SLC10A7: variants seen among roughly 807,000 people sequenced by gnomAD.
The protein encoded by SLC10A7 is sodium/bile acid cotransporter 7.
A neutral mutation model predicts 43.2 loss-of-function variants in SLC10A7; 29 were observed. That is an observed-to-expected ratio of 0.67 (90% CI 0.50 to 0.92). The LOEUF is 0.92. Ranked by LOEUF, SLC10A7 falls within the 40% of genes least tolerant of loss-of-function variation. SLC10A7 has a pLI of 0.00. For missense variants in SLC10A7, 295 were observed against 403.2 expected, an observed-to-expected ratio of 0.73 and a Z score of 2.30; for synonymous variants, 152 against 144.8, an observed-to-expected ratio of 1.05 and a Z score of -0.35.
chr4:146,331,184 G>T (rs189083040), intron 5 of SLC10A7, among the ~76,000 whole-genome samples: 1 of 151,994 alleles, frequency 6.6e-6, no homozygotes, highest in Non-Finnish European at 1.5e-5. Flanking sequence ...TAAATTTAAG[G>T]CTCCACATTT....
At chr4:146,264,419 T>C (rs1201426375) in intron 10 of SLC10A7, among the ~76,000 whole-genome samples, 1 of 152,208 alleles carries the variant, frequency 6.6e-6, no homozygotes, top group Admixed American at 6.5e-5. Flanking sequence ...TACATTATTG[T>C]TCAGAGCTTA....
At chr4:146,424,647 G>A (rs1265949757) in intron 5 of SLC10A7, among the ~76,000 whole-genome samples, 6 of 150,488 alleles carry the variant, frequency 4.0e-5, no homozygotes, top group Non-Finnish European at 7.4e-5. Context: ...GTGACAGAGC[G>A]AGACTCCATC....
At chr4:146,289,923 C>T (rs1483404900) in intron 9 of SLC10A7, among the ~76,000 whole-genome samples, 2 of 149,644 alleles carry the variant, frequency 1.3e-5, no homozygotes, top group Non-Finnish European at 3.0e-5. Context: ...GCCATGTTGG[C>T]CTGGCTGGTT....
chr4:146,428,818 A>G (rs1360977309), intron 5 of SLC10A7, among the ~76,000 whole-genome samples: 1 of 152,160 alleles, frequency 6.6e-6, no homozygotes, highest in East Asian at 1.9e-4. Context: ...CATTCTCTAC[A>G]ATGCTATATA....
chr4:146,407,952 A>T (rs976521850), intron 5 of SLC10A7, among the ~76,000 whole-genome samples: 1 of 152,186 alleles, frequency 6.6e-6, no homozygotes, highest in Non-Finnish European at 1.5e-5. Context: ...TACACGTGCC[A>T]TAAAGGGAAA....
In SLC10A7 at chr4:146,306,433, AACTT is replaced by A. The variant is rs1731576712; in HGVS notation, c.472-428_472-425del. ...TATTTATGTAAATGAAATAGTTTCT[AACTT>A]TCTGACTCCTTCAAAACAAATATAA... is the stretch of plus-strand genomic sequence containing the variant. On this transcript the variant is annotated intron_variant, in intron 6 of 11. Coordinates refer to ENST00000335472, the MANE Select transcript of SLC10A7 (RefSeq NM_001029998.6). 4.6e-5 allele frequency among the ~76,000 whole-genome samples: 7 copies of A among 152,252 alleles called. No individual in the cohort carries two copies. In the South Asian group the frequency reaches 1.5e-3, roughly 32 times the overall value.
intron 9 of SLC10A7, among the ~76,000 whole-genome samples, chr4:146,290,140 T>C (rs538901049): frequency 2.3e-3 from 342 of 150,530 alleles, no homozygotes; most frequent in African/African-American, 5.8e-3. Context: ...CTGGCTAACA[T>C]GCTGAAACCC....
intron 2 of SLC10A7, among the ~76,000 whole-genome samples, chr4:146,511,540 A>G (rs1579381476): frequency 6.6e-6 from 1 of 152,334 alleles, no homozygotes; most frequent in East Asian, 1.9e-4. Flanking sequence ...TCATTCGCTC[A>G]TCACCACATT....
At chr4:146,398,793 C>G (rs1425180388) in intron 5 of SLC10A7, among the ~76,000 whole-genome samples, 1 of 152,230 alleles carries the variant, frequency 6.6e-6, no homozygotes, top group Non-Finnish European at 1.5e-5. Context: ...CTAGGTATCA[C>G]AGACCAGTGA....
chr4:146,489,846 C>T (rs998051409), intron 4 of SLC10A7, among the ~76,000 whole-genome samples: 2 of 152,036 alleles, frequency 1.3e-5, no homozygotes, highest in African/African-American at 2.4e-5. Flanking sequence ...CAATTAACTG[C>T]TTTCCTCCTT....
At chr4:146,349,341 T>C (rs900457465) in intron 5 of SLC10A7, among the ~76,000 whole-genome samples, 1 of 152,150 alleles carries the variant, frequency 6.6e-6, no homozygotes, top group African/African-American at 2.4e-5. Flanking sequence ...GAATGGCTAT[T>C]ATTAAAGTAA....
At chr4:146,333,778 G>T (rs1177049229) in intron 5 of SLC10A7, among the ~76,000 whole-genome samples, 1 of 152,012 alleles carries the variant, frequency 6.6e-6, no homozygotes, top group Admixed American at 6.6e-5. Flanking sequence ...TGGGTGTGGG[G>T]AGGGGCAATA....
At chr4:146,316,708 T>A (rs1347293936) in intron 6 of SLC10A7, among the ~76,000 whole-genome samples, 2 of 152,078 alleles carry the variant, frequency 1.3e-5, no homozygotes, top group African/African-American at 4.8e-5. Flanking sequence ...TGGTAAACAT[T>A]GGACTCAATT....
chr4:146,325,316 A>G (rs76456001), intron 6 of SLC10A7, among the ~76,000 whole-genome samples: 1,976 of 152,312 alleles, frequency 0.013, 48 homozygotes, highest in African/African-American at 0.044. Flanking sequence ...TTCTATTATA[A>G]TCTTTCATCT....
At chr4:146,404,616 T>A (rs1739455043) in intron 5 of SLC10A7, among the ~76,000 whole-genome samples, 1 of 152,120 alleles carries the variant, frequency 6.6e-6, no homozygotes, top group African/African-American at 2.4e-5. Context: ...TCCTCACCTA[T>A]ATATTGCTTC....
intron 7 of SLC10A7, among the ~76,000 whole-genome samples, chr4:146,304,616 A>G (rs1469417414): frequency 6.6e-6 from 1 of 152,170 alleles, no homozygotes; most frequent in African/African-American, 2.4e-5. Flanking sequence ...TCTGAGAGAT[A>G]GTTTGTTATA....
chr4:146,372,453 CAAAA>C (rs3042366), intron 5 of SLC10A7, among the ~76,000 whole-genome samples: 33 of 117,002 alleles, frequency 2.8e-4, no homozygotes, highest in African/African-American at 6.7e-4. Flanking sequence ...AACCCTGTTT[CAAAA>C]AAAAAAAAAA....
intron 5 of SLC10A7, among the ~76,000 whole-genome samples, chr4:146,436,305 T>C (rs1730211348): frequency 6.6e-6 from 1 of 152,160 alleles, no homozygotes. Flanking sequence ...TTACAATGAT[T>C]GTACTTCAGA....
intron 5 of SLC10A7, among the ~76,000 whole-genome samples, chr4:146,379,976 T>TGTGTGTGC (rs1204593298): frequency 2.6e-5 from 4 of 151,878 alleles, no homozygotes; most frequent in Non-Finnish European, 5.9e-5. Flanking sequence ...TGTGTGTGTG[T>TGTGTGTGC]GTGTGTGCGT....
Sources: allele counts gnomAD v4.1 joint callset (sites outside exome capture counted in the v4.1 genomes callset), GRCh38; gene constraint gnomAD v4.1.1; transcripts MANE v1.5; gene names NCBI Gene and HGNC (gene_info 2026-07-23, HGNC 2026-07-21).